Variants in ADAM32 observed in about 807,000 individuals in gnomAD.
The protein encoded by ADAM32 is ADAM metallopeptidase domain 32, also known as disintegrin and metalloproteinase domain-containing protein 32.
In ADAM32, 89 loss-of-function variants were observed where a neutral mutation model predicts 114.9. The observed-to-expected ratio is 0.77, with a 90% CI of 0.65 to 0.92. The LOEUF (loss-of-function observed/expected upper bound fraction) is 0.92. Ranked by LOEUF, ADAM32 falls within the 40% of genes least tolerant of loss-of-function variation. ADAM32 has a pLI of 0.00. For missense variants in ADAM32, 870 were observed against 932.8 expected (o/e 0.93, Z 0.88); for synonymous variants, 285 against 307.5 (o/e 0.93, Z 0.77).
chr8:39,250,961 A>G (rs187344915), intron 17 of ADAM32, among the ~76,000 whole-genome samples: 1 of 152,070 alleles, frequency 6.6e-6, no homozygotes, highest in African/African-American at 2.4e-5. Flanking sequence ...TTCATTTAAC[A>G]TAATAACTTC....
At chr8:39,167,020 G>A (rs924719531) in intron 9 of ADAM32, 1 of 152,136 alleles carries the variant, frequency 6.6e-6, no homozygotes, top group Non-Finnish European at 1.5e-5. Flanking sequence ...TCCTTTTGCT[G>A]TGTGAAAAGC....
chr8:39,131,708 T>C (rs1330707070), intron 2 of ADAM32, among the ~76,000 whole-genome samples: 1 of 152,232 alleles, frequency 6.6e-6, no homozygotes, highest in Non-Finnish European at 1.5e-5. Context: ...GATTTTACTG[T>C]TGTGAAACGT....
rs145311068 is a variant in ADAM32 at position 39,120,634 on chromosome 8, C to T, written c.138+2469C>T. Among the ~76,000 whole-genome samples, 1,248 of 151,800 alleles carry T rather than the reference C, an allele frequency of 8.2e-3. 16 individuals carry two copies. Among genetic ancestry groups the T allele is most frequent in the African/African-American group, 0.029 (1,209 of 41,352 alleles). ...AAAATTAGCTGGACGTGGTGGCAGGCACCTGTAGTCCCAGCTACTCGGGAG... is the reference window on the plus strand; with the variant it reads ...AAAATTAGCTGGACGTGGTGGCAGGTACCTGTAGTCCCAGCTACTCGGGAG... On this transcript the variant is annotated intron_variant, in intron 2 of 24. Coordinates refer to ENST00000379907, the MANE Select transcript of ADAM32 (RefSeq NM_145004.7).
At position 39,284,725 on chromosome 8, in the gene ADAM32, T is replaced by G. The variant is rs1813671486; in HGVS notation, c.2358-68T>G. ...ATTTTCCACTTGGCAATACCTCAGC[T>G]GCTTGTACAGTGGGAGGGAATTTGC... On this transcript the variant is annotated intron_variant, in intron 24 of 24. Coordinates refer to ENST00000379907, the MANE Select transcript of ADAM32 (RefSeq NM_145004.7). 1.9e-6 allele frequency: 3 copies of G among 1,574,258 alleles called. No homozygotes were observed. The East Asian group carries it at 6.7e-5, about 35-fold the overall frequency.
intron 2 of ADAM32, among the ~76,000 whole-genome samples, chr8:39,119,000 T>G (rs954028692): frequency 6.6e-6 from 1 of 152,222 alleles, no homozygotes; most frequent in African/African-American, 2.4e-5. Context: ...AATGGCAGCA[T>G]GCAATATGTA....
intron 22 of ADAM32, among the ~76,000 whole-genome samples, chr8:39,277,774 G>A (rs1208306701): frequency 2.0e-5 from 3 of 152,258 alleles, no homozygotes; most frequent in African/African-American, 4.8e-5. Context: ...GGCGAACTCT[G>A]TGCAGGCCCT....
chr8:39,237,486 C>T (rs942790321), intron 16 of ADAM32, among the ~76,000 whole-genome samples: 1 of 152,022 alleles, frequency 6.6e-6, no homozygotes, highest in East Asian at 1.9e-4. Context: ...AGCAAGATCT[C>T]AGCCCTGTGC....
At chr8:39,166,690 A>C (rs993206501) in intron 9 of ADAM32, 1 of 152,114 alleles carries the variant, frequency 6.6e-6, no homozygotes. Flanking sequence ...CTGCATCCAC[A>C]CCAACATCTA....
intron 10 of ADAM32, among the ~76,000 whole-genome samples, chr8:39,175,571 C>T (rs1264764490): frequency 2.0e-5 from 3 of 152,116 alleles, no homozygotes; most frequent in Non-Finnish European, 4.4e-5. Flanking sequence ...CAGCTGGATT[C>T]AGTTTGCCAG....
chr8:39,217,690 T>G (rs956297696), intron 12 of ADAM32, among the ~76,000 whole-genome samples: 1 of 152,246 alleles, frequency 6.6e-6, no homozygotes, highest in African/African-American at 2.4e-5. Context: ...GTCTTTCAAC[T>G]GCAGAATTTC....
intron 1 of ADAM32, among the ~76,000 whole-genome samples, chr8:39,111,808 T>C (rs1436989388): frequency 1.3e-5 from 2 of 150,792 alleles, no homozygotes; most frequent in African/African-American, 2.4e-5. Context: ...CTACCTACCA[T>C]GTTTTGTTGA....
Position 39,223,070 on chromosome 8 carries a change from A to C in ADAM32, c.1357A>C (p.Lys453Gln). Residue 453 changes from lysine to glutamine, a missense_variant, in exon 14 of 25, where the codon AAA becomes CAA. Lys to Gln is a moderately conservative substitution (Grantham distance 53, BLOSUM62 1). Coordinates refer to ENST00000379907, the MANE Select transcript of ADAM32 (RefSeq NM_145004.7). Reference protein sequence around the residue: ...ILQSGVECRPKAHPECDIAEN... With the variant: ...ILQSGVECRPQAHPECDIAEN... ...ACAATCAGGCGTTGAATGTAGGCCG[A>C]AAGCACATCCTGAATGTGACATCGC... 6.3e-7 allele frequency: 1 copy of C among 1,590,058 alleles called. No homozygotes were observed. The highest frequency in any genetic ancestry group is 8.6e-7 in the Non-Finnish European group (1 of 1,168,866).
chr8:39,149,448 T>A lies in ADAM32; in HGVS notation c.277-343T>A, dbSNP rs572532712. 2.0e-5 allele frequency among the ~76,000 whole-genome samples: 3 copies of A among 152,302 alleles called. No homozygotes were observed. The South Asian group carries it at 6.2e-4, about 32-fold the overall frequency. The stretch of plus-strand genomic sequence containing the variant: ...TTTATGACTCTTTTTTAGCATCATA[T>A]TAATTGAGTTTTTAAAGAAATCCAG... On this transcript the variant is annotated intron_variant, in intron 4 of 24. Transcript: ENST00000379907.
chr8:39,172,018 A>G (rs1277384126), intron 10 of ADAM32, among the ~76,000 whole-genome samples: 6 of 151,330 alleles, frequency 4.0e-5, no homozygotes, highest in African/African-American at 1.4e-4. Flanking sequence ...AAATAAATAA[A>G]CAGCATTTTA....
chr8:39,232,865 A>C (rs1436950353), intron 15 of ADAM32, among the ~76,000 whole-genome samples: 1 of 152,142 alleles, frequency 6.6e-6, no homozygotes, highest in Non-Finnish European at 1.5e-5. Context: ...GATTTATTTC[A>C]CTTGTAACAT....
At chr8:39,141,149 A>T (rs1412389978) in intron 3 of ADAM32, among the ~76,000 whole-genome samples, 4 of 151,964 alleles carry the variant, frequency 2.6e-5, no homozygotes, top group African/African-American at 9.7e-5. Context: ...CAGCTCCTGG[A>T]TTCATTAATT....
intron 6 of ADAM32, among the ~76,000 whole-genome samples, chr8:39,158,972 T>G (rs975945859): frequency 2.6e-5 from 4 of 152,176 alleles, no homozygotes; most frequent in Non-Finnish European, 5.9e-5. Flanking sequence ...TTTGAACATA[T>G]TTTAAAACAA....
chr8:39,176,486 T>C (rs1269029774), intron 10 of ADAM32, among the ~76,000 whole-genome samples: 2 of 152,220 alleles, frequency 1.3e-5, no homozygotes, highest in South Asian at 2.1e-4. Context: ...GCTTATGTAG[T>C]TGTGCAGTTT....
intron 19 of ADAM32, among the ~76,000 whole-genome samples, chr8:39,263,880 CT>C (rs1434892287): frequency 6.6e-6 from 1 of 152,080 alleles, no homozygotes; most frequent in African/African-American, 2.4e-5. Context: ...AGTTTGCTCT[CT>C]TTTAAATCTA....
Sources: allele counts gnomAD v4.1 joint callset (sites outside exome capture counted in the v4.1 genomes callset), GRCh38; gene constraint gnomAD v4.1.1; transcripts MANE v1.5; gene names NCBI Gene and HGNC (gene_info 2026-07-23, HGNC 2026-07-21).